AGBL3: variants seen among roughly 807,000 people sequenced by gnomAD.
The protein encoded by AGBL3 is cytosolic carboxypeptidase 3.
AGBL3 carries 68 observed loss-of-function variants against 94.5 expected under a neutral mutation model. The observed-to-expected ratio is 0.72, with a 90% confidence interval of 0.59 to 0.88. The LOEUF (loss-of-function observed/expected upper bound fraction) is 0.88, where lower values mean the gene tolerates loss of function less well. AGBL3 is among the 40% of genes least tolerant of loss of function. The pLI is 0.00. For missense variants in AGBL3, 934 were observed against 1,103.8 expected (o/e 0.85, Z 2.18); for synonymous variants, 354 against 370.7 (o/e 0.95, Z 0.52).
intron 15 of AGBL3, among the ~76,000 whole-genome samples, chr7:135,088,606 G>A (rs1821521625): frequency 6.6e-6 from 1 of 152,114 alleles, no homozygotes; most frequent in Admixed American, 6.5e-5. Flanking sequence ...GCTTGTCTAT[G>A]ACAGACTTTA....
At chr7:135,043,159 C>T (rs538315027) in intron 8 of AGBL3, among the ~76,000 whole-genome samples, 10 of 151,936 alleles carry the variant, frequency 6.6e-5, no homozygotes, top group Non-Finnish European at 1.3e-4. Flanking sequence ...AATTTTATCC[C>T]AACAGCATCA....
rs60821704 is a variant in AGBL3, at chr7:135,021,663, C to CTTTT, written c.418+4513_418+4516dup. Reference sequence around the variant, plus strand: ...ATACACAGCATATCATTGGGATTTGCTTTTTTTTTTTTACCTTCTGGCATA... The same window carrying CTTTT: ...ATACACAGCATATCATTGGGATTTGCTTTTTTTTTTTTTTTTACCTTCTGGCATA... On this transcript the variant is annotated intron_variant, in intron 5 of 16. Transcript: ENST00000436302. 6.7e-3 allele frequency among the ~76,000 whole-genome samples: 978 copies of CTTTT among 146,712 alleles called. 8 individuals are homozygous for CTTTT. The highest frequency in any genetic ancestry group is 0.01 in the Non-Finnish European group (698 of 66,992).
intron 5 of AGBL3, among the ~76,000 whole-genome samples, chr7:135,021,141 T>C (rs1584857784): frequency 6.6e-6 from 1 of 152,140 alleles, no homozygotes; most frequent in African/African-American, 2.4e-5. Flanking sequence ...TGTAGGTCTA[T>C]TTCTAGACAC....
intron 15 of AGBL3, among the ~76,000 whole-genome samples, chr7:135,091,453 T>C (rs1000880818): frequency 1.3e-5 from 2 of 152,204 alleles, no homozygotes; most frequent in African/African-American, 4.8e-5. Flanking sequence ...TTTTTTATCA[T>C]GTTTGGTTGA....
intron 12 of AGBL3, among the ~76,000 whole-genome samples, chr7:135,059,849 T>G (rs1818671916): frequency 6.6e-6 from 1 of 152,172 alleles, no homozygotes; most frequent in African/African-American, 2.4e-5. Context: ...ACAAGCCAAG[T>G]AGATACTAGG....
chr7:135,126,360 GAAC>G (rs1042120253), intron 16 of AGBL3, among the ~76,000 whole-genome samples: 1 of 152,140 alleles, frequency 6.6e-6, no homozygotes, highest in Non-Finnish European at 1.5e-5. Flanking sequence ...TCTTCAAGGA[GAAC>G]TACAGACCAC....
At chr7:135,000,717 G>A (rs1811610112) in intron 4 of AGBL3, among the ~76,000 whole-genome samples, 1 of 152,134 alleles carries the variant, frequency 6.6e-6, no homozygotes, top group Non-Finnish European at 1.5e-5. Flanking sequence ...TTCAACTAAT[G>A]TCCAATAGCA....
chr7:135,087,285 C>A (rs1191725669), intron 15 of AGBL3, among the ~76,000 whole-genome samples: 3 of 151,748 alleles, frequency 2.0e-5, no homozygotes, highest in Non-Finnish European at 4.4e-5. Flanking sequence ...AAAAAACCAA[C>A]TTTTCATTTC....
intron 15 of AGBL3, among the ~76,000 whole-genome samples, chr7:135,086,740 TTTG>T (rs1484254177): frequency 6.6e-6 from 1 of 151,964 alleles, no homozygotes; most frequent in East Asian, 1.9e-4. Context: ...GGAGATTTGG[TTTG>T]TTAGTATTTT....
chr7:135,036,417 G>A (rs1365652734), intron 7 of AGBL3, among the ~76,000 whole-genome samples: 1 of 151,720 alleles, frequency 6.6e-6, no homozygotes, highest in Non-Finnish European at 1.5e-5. Context: ...TTCAAACTTT[G>A]GTACCATTTT....
chr7:135,041,111 T>C (rs1039960857), intron 8 of AGBL3, among the ~76,000 whole-genome samples: 4 of 152,148 alleles, frequency 2.6e-5, no homozygotes, highest in Non-Finnish European at 5.9e-5. Flanking sequence ...AAAATGCTGA[T>C]GAAATAAATC....
chr7:135,081,878 G>A lies in AGBL3; in HGVS notation c.2110+88G>A, dbSNP rs1820950749. Reference sequence around the variant, plus strand: ...TCTCTAGCTCTAGAAATACACAGGGGAAACAGTAGAAATTTACTGTATGTC... The same window carrying A: ...TCTCTAGCTCTAGAAATACACAGGGAAAACAGTAGAAATTTACTGTATGTC... On this transcript the variant is annotated intron_variant, in intron 15 of 16. Coordinates refer to ENST00000436302, the MANE Select transcript of AGBL3 (RefSeq NM_178563.4). 2.5e-5 allele frequency: 21 copies of A among 825,316 alleles called. No homozygotes were observed. In the South Asian group the frequency reaches 6.6e-4, roughly 26 times the overall value. The allele number at this position is 825,316 out of a possible 1,614,324, so 51.1% of individuals were successfully genotyped here. A position where few individuals can be genotyped will look rare whatever the true frequency, so the allele number is the denominator to read the frequency against.
chr7:135,097,375 A>C (rs1823061777), intron 15 of AGBL3, among the ~76,000 whole-genome samples: 1 of 152,120 alleles, frequency 6.6e-6, no homozygotes, highest in South Asian at 2.1e-4. Context: ...TTGATTTGAA[A>C]AGTGAGGTTT....
At chr7:135,045,427 AATT>A (rs773083103) in intron 9 of AGBL3, 44 bp from the exon 10 acceptor site, 6 of 1,456,480 alleles carry the variant, frequency 4.1e-6, no homozygotes, top group Non-Finnish European at 4.7e-6. Context: ...TGCTAAGAAA[AATT>A]ATTAACTTAC....
At position 135,034,384 on chromosome 7, in the gene AGBL3, T is replaced by C; in HGVS notation, c.793T>C (p.Tyr265His). The change falls in exon 7 of 17, where the codon TAT (tyrosine) becomes CAT (histidine). Residue 265 changes from tyrosine to histidine, a missense_variant. Physicochemically the swap from Tyr to His is moderately conservative, Grantham distance 83. Transcript: ENST00000436302. ...GCAGAGAATAGGAGACCAAATCAAG[T>C]ATTATAGGAACAACCCAGGCCAAGA... ...GWQRIGDQIK[Y>H]YRNNPGQDGR... is the part of the protein sequence containing the mutation. 6.4e-7 allele frequency: 1 copy of C among 1,551,642 alleles called. No homozygotes were observed. The highest frequency in any genetic ancestry group is 8.7e-7 in the Non-Finnish European group (1 of 1,146,974).
At chr7:135,049,098 T>C (rs1373511811) in intron 11 of AGBL3, among the ~76,000 whole-genome samples, 1 of 151,950 alleles carries the variant, frequency 6.6e-6, no homozygotes, top group Non-Finnish European at 1.5e-5. Context: ...GCCTATATTA[T>C]ATTGAAGTAC....
At chr7:135,065,298 T>C (rs1259606669) in intron 12 of AGBL3, among the ~76,000 whole-genome samples, 1 of 152,222 alleles carries the variant, frequency 6.6e-6, no homozygotes, top group Admixed American at 6.5e-5. Context: ...CCTATTTCAA[T>C]GACATTTTTC....
intron 11 of AGBL3, among the ~76,000 whole-genome samples, chr7:135,052,871 T>G (rs1818003503): frequency 6.6e-6 from 1 of 152,186 alleles, no homozygotes. Context: ...GGACATAAAC[T>G]TGATTTCCTA....
intron 1 of AGBL3, among the ~76,000 whole-genome samples, 151 bp downstream of exon 1, chr7:134,986,852 C>T (rs1228496885): frequency 2.0e-5 from 3 of 152,278 alleles, no homozygotes; most frequent in African/African-American, 4.8e-5. Context: ...GCCAAAAACG[C>T]CTTGGTACTG....
Sources: gnomAD v4.1 joint callset for allele counts (sites outside exome capture counted in the v4.1 genomes callset) on GRCh38, gnomAD v4.1.1 for gene constraint, MANE v1.5 for transcripts, NCBI Gene and HGNC (gene_info 2026-07-23, HGNC 2026-07-21) for gene names.